Variants in SPAG16 observed in about 807,000 individuals in gnomAD.
SPAG16 encodes the protein sperm-associated antigen 16 protein.
A neutral mutation model predicts 80.4 loss-of-function variants in SPAG16; 86 were observed. That is an observed-to-expected ratio of 1.07 (90% CI 0.90 to 1.28). SPAG16 has a LOEUF of 1.28. SPAG16 is among the 50% of genes most tolerant of loss of function. The probability of loss-of-function intolerance (pLI) is 0.00; values close to 1 mark genes in which losing one functional copy is unlikely to be tolerated. For synonymous variants in SPAG16, 294 were observed against 265.9 expected (o/e 1.11, Z -1.03); for missense variants, 870 against 765.3 (o/e 1.14, Z -1.61).
intron 8 of SPAG16, 80 bp downstream of exon 8, chr2:213,364,225 G>A: frequency 2.4e-6 from 2 of 839,152 alleles, no homozygotes; most frequent in Non-Finnish European, 3.4e-6. Context: ...ATATTCTAGA[G>A]ATATTTAAAG....
intron 10 of SPAG16, among the ~76,000 whole-genome samples, chr2:213,689,175 G>A (rs1362955660): frequency 6.6e-6 from 1 of 152,134 alleles, no homozygotes; most frequent in East Asian, 1.9e-4. Context: ...GGCCAGGCTG[G>A]TCTTGAATGC....
At chr2:214,273,550 T>C (rs561908462) in intron 15 of SPAG16, among the ~76,000 whole-genome samples, 1 of 152,070 alleles carries the variant, frequency 6.6e-6, no homozygotes, top group Non-Finnish European at 1.5e-5. Flanking sequence ...AAATAGTGAA[T>C]CCTTTCCCCA....
intron 15 of SPAG16, among the ~76,000 whole-genome samples, chr2:214,246,995 C>T (rs1024656570): frequency 3.3e-5 from 5 of 152,042 alleles, no homozygotes; most frequent in Non-Finnish European, 5.9e-5. Context: ...ATATCATGAA[C>T]TCATTAAAAA....
chr2:213,420,628 A>G (rs537519170), intron 9 of SPAG16, among the ~76,000 whole-genome samples: 2 of 152,330 alleles, frequency 1.3e-5, no homozygotes, highest in Non-Finnish European at 2.9e-5. Flanking sequence ...TCTTAAGGCC[A>G]TATATTGTTT....
intron 3 of SPAG16, among the ~76,000 whole-genome samples, chr2:213,308,747 C>G (rs2063055657): frequency 6.6e-6 from 1 of 152,104 alleles, no homozygotes; most frequent in African/African-American, 2.4e-5. Flanking sequence ...GGTCTTATAT[C>G]TGGTGGTATT....
intron 10 of SPAG16, among the ~76,000 whole-genome samples, chr2:213,652,555 T>G (rs2063061552): frequency 6.6e-6 from 1 of 152,178 alleles, no homozygotes; most frequent in Admixed American, 6.5e-5. Context: ...TTGCGAGCAT[T>G]TCATATTGTC....
chr2:213,979,993 T>C (rs895486742), intron 12 of SPAG16, among the ~76,000 whole-genome samples: 2 of 151,906 alleles, frequency 1.3e-5, no homozygotes, highest in African/African-American at 4.8e-5. Flanking sequence ...TACTATGTTT[T>C]TGTTTGCAAT....
At chr2:213,370,041 C>G (rs1351258278) in intron 8 of SPAG16, among the ~76,000 whole-genome samples, 1 of 152,190 alleles carries the variant, frequency 6.6e-6, no homozygotes, top group Non-Finnish European at 1.5e-5. Context: ...ACCTTTTGTG[C>G]TTTGCGTATT....
At chr2:213,667,963 T>C (rs2063672263) in intron 10 of SPAG16, among the ~76,000 whole-genome samples, 1 of 129,766 alleles carries the variant, frequency 7.7e-6, no homozygotes, top group Admixed American at 7.0e-5. Context: ...TTATTTATTT[T>C]TGAGACAAAG....
chr2:213,443,628 TTTATGAG>T (rs2125540458), intron 9 of SPAG16, among the ~76,000 whole-genome samples: 1 of 152,342 alleles, frequency 6.6e-6, no homozygotes, highest in Admixed American at 6.5e-5. Context: ...CACAGATATC[TTTATGAG>T]GTGCTGATTT....
At chr2:214,072,346 T>G (rs2050826850) in intron 13 of SPAG16, among the ~76,000 whole-genome samples, 1 of 152,140 alleles carries the variant, frequency 6.6e-6, no homozygotes, top group Non-Finnish European at 1.5e-5. Context: ...CCCAAATGAA[T>G]GTTGTATTGT....
chr2:213,859,809 T>C (rs561615870), intron 10 of SPAG16, among the ~76,000 whole-genome samples: 1 of 152,294 alleles, frequency 6.6e-6, no homozygotes, highest in Admixed American at 6.5e-5. Context: ...AGTCATGTAT[T>C]TGATGAATGT....
At chr2:213,649,167 A>C (rs2062933911) in intron 10 of SPAG16, among the ~76,000 whole-genome samples, 1 of 152,228 alleles carries the variant, frequency 6.6e-6, no homozygotes. Context: ...AAGTTAAAAT[A>C]ATTTAAAGAA....
chr2:213,420,421 G>A (rs1001368579), intron 9 of SPAG16, among the ~76,000 whole-genome samples: 2 of 152,180 alleles, frequency 1.3e-5, no homozygotes, highest in African/African-American at 4.8e-5. Flanking sequence ...AAGAAAATGG[G>A]TTGCTACATG....
chr2:214,233,589 G>A lies in SPAG16; in HGVS notation c.1720+84323G>A, dbSNP rs376542363. Among the ~76,000 whole-genome samples the A allele has an allele frequency of 1.1e-4, 17 of 152,158 alleles. No homozygotes were observed. In the South Asian group the frequency reaches 3.5e-3, roughly 32 times the overall value. On this transcript the variant is annotated intron_variant, in intron 15 of 15. Coordinates refer to ENST00000331683, the MANE Select transcript of SPAG16 (RefSeq NM_024532.5). ...ACTAAAAAGTTGGGTCTAGAATCCA[G>A]ATCTATACTTTGACACATTCTGTGT...
At chr2:214,337,612 A>C (rs2126023767) in intron 15 of SPAG16, among the ~76,000 whole-genome samples, 1 of 152,104 alleles carries the variant, frequency 6.6e-6, no homozygotes. Context: ...AAACCAACAG[A>C]CCTCCTATGG....
chr2:213,798,164 T>G lies in SPAG16; in HGVS notation c.1071-64321T>G, dbSNP rs191791634. ...TGTTGAATTATTTACTCTTTTGTTA[T>G]TGACTTGTAAGCGTTCTTTATATAT... On this transcript the variant is annotated intron_variant, in intron 10 of 15. Coordinates refer to ENST00000331683, the MANE Select transcript of SPAG16 (RefSeq NM_024532.5). Among the ~76,000 whole-genome samples the G allele has an allele frequency of 1.7e-3, 265 of 152,346 alleles. 4 individuals carry two copies. The highest frequency in any genetic ancestry group is 3.1e-3 in the Non-Finnish European group (211 of 68,038).
chr2:214,258,308 C>T (rs1690848266), intron 15 of SPAG16, among the ~76,000 whole-genome samples: 1 of 152,010 alleles, frequency 6.6e-6, no homozygotes, highest in Non-Finnish European at 1.5e-5. Flanking sequence ...ACTAGCTTAG[C>T]TCCCATTTAT....
chr2:213,984,200 T>C (rs1260443124), intron 12 of SPAG16, among the ~76,000 whole-genome samples: 1 of 152,142 alleles, frequency 6.6e-6, no homozygotes, highest in Non-Finnish European at 1.5e-5. Flanking sequence ...GTCTAATTGC[T>C]GATTAGAGAA....
Sources: allele counts gnomAD v4.1 joint callset (sites outside exome capture counted in the v4.1 genomes callset), GRCh38; gene constraint gnomAD v4.1.1; transcripts MANE v1.5; gene names NCBI Gene and HGNC (gene_info 2026-07-23, HGNC 2026-07-21).